CFAP54: variants seen among roughly 807,000 people sequenced by gnomAD.
CFAP54 encodes the protein cilia and flagella associated protein 54, also known as cilia- and flagella-associated protein 54.
Under a neutral mutation model 370.4 loss-of-function variants are expected in CFAP54, and 290 were observed. The ratio of observed to expected loss-of-function variants is 0.78; its 90% confidence interval spans 0.71 to 0.86. The LOEUF (loss-of-function observed/expected upper bound fraction) is 0.86. CFAP54 is among the 40% of genes least tolerant of loss of function. The pLI is 0.00. For synonymous variants in CFAP54, 1,206 were observed against 1,236.5 expected (o/e 0.98, Z 0.52); for missense variants, 3,399 against 3,528.7 (o/e 0.96, Z 0.93).
intron 38 of CFAP54, among the ~76,000 whole-genome samples, chr12:96,660,546 G>A (rs1456189437): frequency 6.6e-6 from 1 of 152,016 alleles, no homozygotes; most frequent in African/African-American, 2.4e-5. Context: ...AACCAGAAGA[G>A]CAAAACTAGT....
chr12:96,795,310 G>T lies in CFAP54; in HGVS notation c.8850+2811G>T, dbSNP rs761411320. The stretch of plus-strand genomic sequence containing the variant: ...CTAGGGTTGCCTGGATAAATATTTG[G>T]GTTTCTCAGGTGGTGGATGAGGACA... On this transcript the variant is annotated intron_variant, in intron 63 of 67. Transcript: ENST00000524981. Among the ~76,000 whole-genome samples, 177 of 152,194 alleles carry T rather than the reference G, an allele frequency of 1.2e-3. 1 individual carries two copies. The highest frequency in any genetic ancestry group is 2.2e-3 in the Non-Finnish European group (152 of 68,016).
chr12:96,622,027 C>G (rs750455733), intron 27 of CFAP54, among the ~76,000 whole-genome samples: 3 of 151,450 alleles, frequency 2.0e-5, no homozygotes, highest in Non-Finnish European at 4.4e-5. Context: ...GGACACTGGA[C>G]TTAAAAGCTC....
chr12:96,515,639 A>G (rs1315866962), intron 5 of CFAP54, among the ~76,000 whole-genome samples: 1 of 152,130 alleles, frequency 6.6e-6, no homozygotes. Flanking sequence ...GTTATAGCCT[A>G]AGACGGAAGG....
At chr12:96,845,709 C>A (rs565599071) in intron 66 of CFAP54, among the ~76,000 whole-genome samples, 1 of 152,342 alleles carries the variant, frequency 6.6e-6, no homozygotes, top group South Asian at 2.1e-4. Context: ...AAGGGTATTC[C>A]CTAATCCTAA....
intron 23 of CFAP54, among the ~76,000 whole-genome samples, chr12:96,591,659 A>G (rs895839872): frequency 1.3e-5 from 2 of 151,756 alleles, no homozygotes; most frequent in African/African-American, 4.8e-5. Flanking sequence ...GGAGGCCGAG[A>G]CGGGCGGATC....
intron 66 of CFAP54, among the ~76,000 whole-genome samples, chr12:96,847,361 T>C (rs1193301329): frequency 6.6e-6 from 1 of 152,126 alleles, no homozygotes; most frequent in Non-Finnish European, 1.5e-5. Flanking sequence ...GCTCTACTTG[T>C]GCACCATCCC....
chr12:96,533,841 T>C lies in CFAP54; in HGVS notation c.1407T>C (p.Leu469=). 1 of 1,534,142 alleles carries C rather than the reference T, an allele frequency of 6.5e-7. No homozygotes were observed. Among genetic ancestry groups the C allele is most frequent in the Non-Finnish European group, 8.7e-7 (1 of 1,146,326 alleles). ...DGMLDFPKTS[L]LELMIGRKDV... ...TGCTTGATTTTCCAAAAACATCTCT[T>C]CTGGAACTTATGATAGGAAGAAAAG... is the stretch of plus-strand genomic sequence containing the variant. The change falls in exon 10 of 68, where the codon CTT becomes CTC. Residue 469 remains leucine (L), a synonymous_variant. Coordinates refer to ENST00000524981, the MANE Select transcript of CFAP54 (RefSeq NM_001306084.2).
chr12:96,802,882 T>C (rs1958836982), intron 63 of CFAP54, among the ~76,000 whole-genome samples: 1 of 152,168 alleles, frequency 6.6e-6, no homozygotes, highest in East Asian at 1.9e-4. Context: ...CCTGTGTCCA[T>C]GTGTTCTCAT....
At chr12:96,617,882 C>A (rs369491868) in intron 26 of CFAP54, among the ~76,000 whole-genome samples, 1 of 149,786 alleles carries the variant, frequency 6.7e-6, no homozygotes, top group East Asian at 2.0e-4. Context: ...CCCAGCTACT[C>A]GGGAGGCTGA....
In CFAP54 at chr12:96,817,870, A is replaced by G; in HGVS notation, c.9053A>G (p.Tyr3018Cys). Residue 3018 changes from tyrosine (Y) to cysteine (C), a missense_variant, in exon 65 of 68, where the codon TAT (tyrosine) becomes TGT (cysteine). By Grantham distance (194) the Tyr-to-Cys change is radical. This residue lies in a region of CFAP54 where 2,796 missense variants were observed against 2,869.7 expected (regional missense o/e 0.97). Coordinates refer to ENST00000524981, the MANE Select transcript of CFAP54 (RefSeq NM_001306084.2). ...APEITSNENI[Y>C]EVEVEEESVD... is the part of the protein sequence containing the mutation. ...GAAATTACCTCAAATGAAAACATAT[A>G]TGAAGTAGAAGTGGAAGAGGAATCA... is the stretch of plus-strand genomic sequence containing the variant. 1 of 1,510,848 alleles carries G rather than the reference A, an allele frequency of 6.6e-7. No individual in the cohort carries two copies. Among genetic ancestry groups the G allele is most frequent in the Non-Finnish European group, 8.8e-7 (1 of 1,133,328 alleles). The allele number at this position is 1,510,848 out of a possible 1,614,324, so 93.6% of individuals were successfully genotyped here. A position where few individuals can be genotyped will look rare whatever the true frequency, so the allele number is the denominator to read the frequency against.
In CFAP54 at chr12:96,580,696, C is replaced by G; in HGVS notation, c.2889+7C>G. 1 of 1,450,918 alleles carries G rather than the reference C, an allele frequency of 6.9e-7. No individual in the cohort carries two copies. Among genetic ancestry groups the G allele is most frequent in the Non-Finnish European group, 9.3e-7 (1 of 1,079,534 alleles). 89.9% of individuals were successfully genotyped at this position (1,450,918 alleles called of 1,614,324 possible). A position where few individuals can be genotyped will look rare whatever the true frequency, so the allele number is the denominator to read the frequency against. Reference sequence around the variant, plus strand: ...CCCAAATTCAGGAGAAGCGGTACGTCAAATTAAACATCAGGAAATCTTACT... The same window carrying G: ...CCCAAATTCAGGAGAAGCGGTACGTGAAATTAAACATCAGGAAATCTTACT... On this transcript the variant is annotated splice_region_variant and intron_variant, in intron 21 of 67. Coordinates refer to ENST00000524981, the MANE Select transcript of CFAP54 (RefSeq NM_001306084.2).
In CFAP54 at chr12:96,829,033, G is replaced by A; in HGVS notation, c.9116G>A (p.Cys3039Tyr). 1 of 1,513,652 alleles carries A rather than the reference G, an allele frequency of 6.6e-7. No individual in the cohort carries two copies. The highest frequency in any genetic ancestry group is 2.5e-5 in the East Asian group (1 of 40,582). The allele number at this position is 1,513,652 out of a possible 1,614,324, so 93.8% of individuals were successfully genotyped here. A position where few individuals can be genotyped will look rare whatever the true frequency, so the allele number is the denominator to read the frequency against. Reference sequence around the variant, plus strand: ...TTCTAGGACATGATTATTCAATGTTGCTCTGAAATAGCATCTCTGTTTTTG... The same window carrying A: ...TTCTAGGACATGATTATTCAATGTTACTCTGAAATAGCATCTCTGTTTTTG... Reference protein sequence around the residue: ...NEMEDMIIQCCSEIASLFLND... With the variant: ...NEMEDMIIQCYSEIASLFLND... The change falls in exon 66 of 68, where the codon TGC (cysteine) becomes TAC (tyrosine). Residue 3039 changes from cysteine to tyrosine, a missense_variant. Transcript: ENST00000524981.
chr12:96,631,227 A>T (rs1956604158), intron 32 of CFAP54, among the ~76,000 whole-genome samples: 1 of 151,830 alleles, frequency 6.6e-6, no homozygotes, highest in East Asian at 1.9e-4. Flanking sequence ...CTTTATTTAA[A>T]TTATGACATA....
intron 26 of CFAP54, among the ~76,000 whole-genome samples, chr12:96,614,036 C>T (rs1330812403): frequency 6.6e-6 from 1 of 152,040 alleles, no homozygotes; most frequent in Non-Finnish European, 1.5e-5. Flanking sequence ...ATCCTGATAC[C>T]AAAGCCGGGC....
chr12:96,624,371 A>G (rs1956529819), intron 28 of CFAP54, among the ~76,000 whole-genome samples: 1 of 152,228 alleles, frequency 6.6e-6, no homozygotes, highest in African/African-American at 2.4e-5. Flanking sequence ...CAGAAATGCA[A>G]CTGAGAAATA....
In CFAP54 at chr12:96,616,432, A is replaced by T. The variant is rs139898472; in HGVS notation, c.3640-5158A>T. Among the ~76,000 whole-genome samples the T allele has an allele frequency of 9.4e-3, 1,437 of 152,362 alleles. 54 individuals are homozygous for T. In the East Asian group the frequency reaches 0.099, roughly 10 times the overall value. ...ATGTAAATGACGAGTTAATGGGCGC[A>T]GCACACCAACATGGCACATGTAGAC... On this transcript the variant is annotated intron_variant, in intron 26 of 67. Transcript: ENST00000524981.
At position 96,651,702 on chromosome 12, in the gene CFAP54, A is replaced by G; in HGVS notation, c.4987A>G (p.Thr1663Ala). 1 of 1,613,984 alleles carries G rather than the reference A, an allele frequency of 6.2e-7. No homozygotes were observed. Among genetic ancestry groups the G allele is most frequent in the South Asian group, 1.1e-5 (1 of 91,082 alleles). ...LLKQAVDLDK[T>A]FPISQDGFLC... is the part of the protein sequence containing the mutation. ...TAAACAGGCAGTGGATCTTGATAAAACATTTCCTATTAGCCAAGATGGTTT... is the reference window on the plus strand; with the variant it reads ...TAAACAGGCAGTGGATCTTGATAAAGCATTTCCTATTAGCCAAGATGGTTT... The change falls in exon 36 of 68, where the codon ACA becomes GCA. Residue 1663 changes from threonine to alanine, a missense_variant. Transcript: ENST00000524981.
At chr12:96,684,426 T>C (rs1404885074) in intron 40 of CFAP54, among the ~76,000 whole-genome samples, 1 of 152,210 alleles carries the variant, frequency 6.6e-6, no homozygotes, top group Non-Finnish European at 1.5e-5. Context: ...GCCCCATTAT[T>C]ACTATCTGTT....
At chr12:96,754,482 A>T (rs1958227756) in intron 56 of CFAP54, among the ~76,000 whole-genome samples, 1 of 152,220 alleles carries the variant, frequency 6.6e-6, no homozygotes, top group Admixed American at 6.5e-5. Context: ...TTCAATATGT[A>T]TCTCATAGTG....
Sources: allele counts gnomAD v4.1 joint callset (sites outside exome capture counted in the v4.1 genomes callset), GRCh38; gene constraint gnomAD v4.1.1; regional missense constraint gnomAD v4.1.1; transcripts MANE v1.5; gene names NCBI Gene and HGNC (gene_info 2026-07-23, HGNC 2026-07-21).